Variants in SLC2A13 observed in about 807,000 individuals in gnomAD.
SLC2A13 encodes the protein solute carrier family 2 member 13.
SLC2A13 carries 32 observed loss-of-function variants against 64.4 expected under a neutral mutation model. That is an observed-to-expected ratio of 0.50 (90% CI 0.37 to 0.67). SLC2A13 has a LOEUF of 0.67. Ranked by LOEUF, SLC2A13 falls within the 30% of genes least tolerant of loss-of-function variation. SLC2A13 has a pLI of 0.00. For missense variants in SLC2A13, 743 were observed against 829.2 expected, an observed-to-expected ratio of 0.90 and a Z score of 1.28; for synonymous variants, 338 against 327.1, an observed-to-expected ratio of 1.03 and a Z score of -0.36.
chr12:39,803,772 C>T (rs926230609), intron 7 of SLC2A13, among the ~76,000 whole-genome samples: 2 of 151,902 alleles, frequency 1.3e-5, no homozygotes, highest in African/African-American at 2.4e-5. Context: ...TGCATCTCAC[C>T]GGAATTCCAA....
At chr12:39,822,223 C>G (rs184589444) in intron 7 of SLC2A13, among the ~76,000 whole-genome samples, 3 of 152,054 alleles carry the variant, frequency 2.0e-5, no homozygotes, top group African/African-American at 7.2e-5. Context: ...TCCAAGATAA[C>G]GTTTCCTGCC....
At chr12:40,027,011 C>T (rs773697922) in intron 3 of SLC2A13, among the ~76,000 whole-genome samples, 2 of 150,528 alleles carry the variant, frequency 1.3e-5, no homozygotes, top group Non-Finnish European at 2.9e-5. Flanking sequence ...ACTCGGGAGG[C>T]GGAGGTTGCA....
intron 4 of SLC2A13, among the ~76,000 whole-genome samples, chr12:39,882,642 A>G (rs1434443664): frequency 6.6e-6 from 1 of 152,194 alleles, no homozygotes; most frequent in Non-Finnish European, 1.5e-5. Context: ...TAATTCACCA[A>G]GAAAGCGTGA....
intron 4 of SLC2A13, chr12:39,907,999 A>C (rs1565536452): frequency 6.6e-6 from 1 of 151,554 alleles, no homozygotes; most frequent in Non-Finnish European, 1.5e-5. Context: ...GGAACTTCTC[A>C]GGGATGCAAA....
At chr12:40,073,813 T>C (rs927038381) in intron 1 of SLC2A13, among the ~76,000 whole-genome samples, 1 of 151,934 alleles carries the variant, frequency 6.6e-6, no homozygotes, top group African/African-American at 2.4e-5. Flanking sequence ...ATTTCAGGAT[T>C]TTTACCTTTG....
At chr12:39,970,231 C>T (rs551030096) in intron 3 of SLC2A13, among the ~76,000 whole-genome samples, 38 of 152,214 alleles carry the variant, frequency 2.5e-4, no homozygotes, top group Admixed American at 7.2e-4. Flanking sequence ...AGTCAGGTAG[C>T]GTGATGCCTC....
intron 7 of SLC2A13, among the ~76,000 whole-genome samples, chr12:39,770,650 T>G (rs10747877): frequency 0.72 from 110,186 of 152,116 alleles, 41,707 homozygotes; most frequent in Non-Finnish European, 0.84. Context: ...ATCTGCACAC[T>G]CAATGCTTAG....
intron 4 of SLC2A13, among the ~76,000 whole-genome samples, chr12:39,904,096 G>A (rs1159100064): frequency 6.6e-6 from 1 of 152,088 alleles, no homozygotes; most frequent in Non-Finnish European, 1.5e-5. Flanking sequence ...AGGTTCAGGT[G>A]GTGAAGTTGA....
chr12:39,798,084 G>T (rs1249853416), intron 7 of SLC2A13, among the ~76,000 whole-genome samples: 1 of 152,134 alleles, frequency 6.6e-6, no homozygotes, highest in Non-Finnish European at 1.5e-5. Flanking sequence ...ATTCACTTTG[G>T]AGGAAGCTAG....
chr12:39,951,366 C>CT lies in SLC2A13; in HGVS notation c.926-2dup. The CT allele has an allele frequency of 6.5e-7, 1 of 1,532,098 alleles. No individual in the cohort carries two copies. The highest frequency in any genetic ancestry group is 1.3e-5 in the South Asian group (1 of 78,570). 94.9% of individuals were successfully genotyped at this position (1,532,098 alleles called of 1,614,324 possible). On this transcript the variant is annotated splice_acceptor_variant, in intron 3 of 9. Transcript: ENST00000280871. LOFTEE classifies it high-confidence loss of function. ...AGCATTCTGCAGATCACAGGTCCAG[C>CT]TTTTTTAAGAAAGAAAGAAAAAAAA...
intron 1 of SLC2A13, among the ~76,000 whole-genome samples, chr12:40,077,015 G>A (rs1322723288): frequency 6.6e-6 from 1 of 151,848 alleles, no homozygotes; most frequent in Non-Finnish European, 1.5e-5. Flanking sequence ...TTTGATTTTT[G>A]CTTGTTGATT....
At chr12:39,809,720 T>C (rs1234384835) in intron 7 of SLC2A13, among the ~76,000 whole-genome samples, 7 of 152,126 alleles carry the variant, frequency 4.6e-5, no homozygotes, top group South Asian at 2.1e-4. Flanking sequence ...TGTGTTCTCA[T>C]TGTTCAGTTC....
Position 39,948,630 on chromosome 12 carries a change from A to G in SLC2A13, c.1034+2627T>C, listed in dbSNP as rs1242407470. ...TGAGAAATAGAATTCAAAATACCTT[A>G]TATTTCCATTCACTCAGATTTTGAG... On this transcript the variant is annotated intron_variant, in intron 4 of 9. Coordinates refer to ENST00000280871, the MANE Select transcript of SLC2A13 (RefSeq NM_052885.4). Among the ~76,000 whole-genome samples, 3 of 152,146 alleles carry G rather than the reference A, an allele frequency of 2.0e-5. No homozygotes were observed. In the East Asian group the frequency reaches 5.8e-4, roughly 29 times the overall value.
chr12:39,785,852 C>T (rs1054052157), intron 7 of SLC2A13, among the ~76,000 whole-genome samples: 2 of 152,178 alleles, frequency 1.3e-5, no homozygotes, highest in African/African-American at 4.8e-5. Flanking sequence ...TTTGGACTTG[C>T]ATGGGGCCTA....
At chr12:40,032,547 C>T (rs1379463534) in intron 2 of SLC2A13, among the ~76,000 whole-genome samples, 1 of 152,152 alleles carries the variant, frequency 6.6e-6, no homozygotes, top group Non-Finnish European at 1.5e-5. Flanking sequence ...ACAATCCCAC[C>T]AATTTCACCT....
chr12:40,033,995 T>C (rs755501793), intron 2 of SLC2A13, among the ~76,000 whole-genome samples: 4 of 152,308 alleles, frequency 2.6e-5, no homozygotes, highest in African/African-American at 4.8e-5. Flanking sequence ...TTCTCCCCTA[T>C]GTTCCTGTTC....
chr12:39,768,878 G>A (rs4322462), intron 7 of SLC2A13, among the ~76,000 whole-genome samples: 147,977 of 152,180 alleles, frequency 0.97, 71,946 homozygotes, highest in East Asian at 1. Flanking sequence ...AGAAACCTTC[G>A]GTTTGTAAAA....
rs549532827 is a variant in SLC2A13, at chr12:39,863,740, C to T, written c.1319+1022G>A. Among the ~76,000 whole-genome samples the T allele has an allele frequency of 4.1e-4, 62 of 152,206 alleles. 1 individual carries two copies. Among genetic ancestry groups the T allele is most frequent in the African/African-American group, 1.3e-3 (56 of 41,544 alleles). On this transcript the variant is annotated intron_variant, in intron 6 of 9. Transcript: ENST00000280871. The stretch of plus-strand genomic sequence containing the variant: ...ACAAACTTATCAGTAAAATAAAAGT[C>T]GTGCTATGATGCCTATTTTCCAAAG...
chr12:39,840,577 T>C (rs575507260), intron 6 of SLC2A13, among the ~76,000 whole-genome samples: 4 of 152,024 alleles, frequency 2.6e-5, no homozygotes, highest in South Asian at 2.1e-4. Flanking sequence ...CTTTTCCTCA[T>C]ATTGTTTTCT....
Sources: allele counts gnomAD v4.1 joint callset (sites outside exome capture counted in the v4.1 genomes callset), GRCh38; gene constraint gnomAD v4.1.1; transcripts MANE v1.5; gene names NCBI Gene and HGNC (gene_info 2026-07-23, HGNC 2026-07-21).